The following R3HDM1 variants were observed in gnomAD, a reference collection of about 807,000 sequenced individuals.
R3HDM1 encodes R3H domain containing 1, also known as R3H domain-containing protein 1.
R3HDM1 carries 46 observed loss-of-function variants against 141.1 expected under a neutral mutation model. That is an observed-to-expected ratio of 0.33 (90% CI 0.26 to 0.42). The LOEUF (loss-of-function observed/expected upper bound fraction) is 0.42. Among genes scored for constraint, R3HDM1 ranks in the 10% least tolerant of loss-of-function variants. The pLI is 1.00. For missense variants in R3HDM1, 1,184 were observed against 1,368.3 expected (o/e 0.87, Z 2.12); for synonymous variants, 435 against 472.9 (o/e 0.92, Z 1.04).
At chr2:135,652,657 A>G (rs2065268251) in intron 18 of R3HDM1, among the ~76,000 whole-genome samples, 1 of 152,184 alleles carries the variant, frequency 6.6e-6, no homozygotes, top group Non-Finnish European at 1.5e-5. Flanking sequence ...TAGCCTTAAA[A>G]TGAGTTGGGC....
intron 21 of R3HDM1, among the ~76,000 whole-genome samples, chr2:135,702,217 G>GAAA (rs35183953): frequency 0.031 from 3,714 of 120,360 alleles, 257 homozygotes; most frequent in African/African-American, 0.13. Context: ...GTCTCAGGGG[G>GAAA]AAAAAAAAAA....
rs748874774 is a variant in R3HDM1 at position 135,631,993 on chromosome 2, T to C, written c.690T>C (p.Asn230=). 1 of 1,603,324 alleles carries C rather than the reference T, an allele frequency of 6.2e-7. No individual in the cohort carries two copies. The highest frequency in any genetic ancestry group is 8.5e-7 in the Non-Finnish European group (1 of 1,174,002). ...CTGTCATAGTAAACAAAACTAGCAA[T>C]ACAAGAATGTAAGTGTCAAGAGATG... ...GKSVIVNKTS[N]TRIPDQKFNE... The change falls in exon 9 of 27, where the codon AAT becomes AAC. Residue 230 remains asparagine, a synonymous_variant. Coordinates refer to ENST00000683871, the MANE Select transcript of R3HDM1 (RefSeq NM_001378107.1).
At chr2:135,656,920 C>T (rs2065974776) in intron 18 of R3HDM1, among the ~76,000 whole-genome samples, 1 of 151,210 alleles carries the variant, frequency 6.6e-6, no homozygotes, top group South Asian at 2.1e-4. Flanking sequence ...GTGGCGAAAC[C>T]CCATCTCTAC....
intron 7 of R3HDM1, among the ~76,000 whole-genome samples, chr2:135,629,109 G>A (rs1191149943): frequency 2.0e-5 from 3 of 152,042 alleles, no homozygotes; most frequent in Admixed American, 6.5e-5. Context: ...CTTAGGTCGG[G>A]AGTTCGAGAC....
chr2:135,552,604 G>A lies in R3HDM1; in HGVS notation c.-250+20971G>A, dbSNP rs184189955. ...GTGACAATCTGATAGTTGACCCTAGGTACTTTTTTCACAGCAAAAATACTA... is the reference window on the plus strand; with the variant it reads ...GTGACAATCTGATAGTTGACCCTAGATACTTTTTTCACAGCAAAAATACTA... On this transcript the variant is annotated intron_variant, in intron 1 of 26. Transcript: ENST00000683871. Among the ~76,000 whole-genome samples, 297 of 152,164 alleles carry A rather than the reference G, an allele frequency of 2.0e-3. 1 individual carries two copies. The highest frequency in any genetic ancestry group is 3.1e-3 in the Non-Finnish European group (210 of 68,022).
At chr2:135,532,443 T>C (rs915011383) in intron 1 of R3HDM1, among the ~76,000 whole-genome samples, 5 of 152,174 alleles carry the variant, frequency 3.3e-5, no homozygotes, top group African/African-American at 1.2e-4. Flanking sequence ...ACTTAAATTA[T>C]TGGGACTATC....
chr2:135,541,851 TAAAAAA>T (rs10558924), intron 1 of R3HDM1, among the ~76,000 whole-genome samples: 2 of 121,920 alleles, frequency 1.6e-5, no homozygotes, highest in African/African-American at 5.6e-5. Context: ...TTCAATTTGT[TAAAAAA>T]AAAAAAAAAA....
At chr2:135,723,830 G>A in intron 26 of R3HDM1, 107 bp from the exon 27 acceptor site, 5 of 395,676 alleles carry the variant, frequency 1.3e-5, no homozygotes, top group Non-Finnish European at 1.4e-5. Flanking sequence ...TTTTAATTTT[G>A]TGTATTCGAA....
chr2:135,675,211 G>T, intron 19 of R3HDM1, 121 bp from the exon 20 acceptor site: 1 of 997,066 alleles, frequency 1.0e-6, no homozygotes, highest in Non-Finnish European at 1.4e-6. Context: ...GGTTTTAGGG[G>T]CTTACCATTT....
Position 135,616,174 on chromosome 2 carries a change from A to G in R3HDM1, c.194A>G (p.Gln65Arg), listed in dbSNP as rs1220299370. 4.3e-6 allele frequency: 7 copies of G among 1,613,254 alleles called. No homozygotes were observed. The highest frequency in any genetic ancestry group is 4.5e-5 in the East Asian group (2 of 44,858). The change falls in exon 4 of 27, where the codon CAG becomes CGG. Residue 65 changes from glutamine to arginine, a missense_variant. Gln to Arg is a conservative substitution (Grantham distance 43). This residue lies in a region of R3HDM1 where 192 missense variants were observed against 215.7 expected (regional missense o/e 0.89). Coordinates refer to ENST00000683871, the MANE Select transcript of R3HDM1 (RefSeq NM_001378107.1). ...DLQRPLQSFG[Q>R]TGKRSKSSSK... ...CAGCGGCCATTGCAGTCATTTGGAC[A>G]GACAGGAAAAAGGTCTAAGGTATAG...
At chr2:135,707,479 C>T (rs1018906201) in intron 21 of R3HDM1, among the ~76,000 whole-genome samples, 13 of 152,166 alleles carry the variant, frequency 8.5e-5, no homozygotes, top group African/African-American at 2.9e-4. Flanking sequence ...AACGGGTAAT[C>T]TAGTGCTAGA....
intron 1 of R3HDM1, 182 bp downstream of exon 1, chr2:135,531,815 C>T (rs1202297462): frequency 4.1e-6 from 4 of 985,242 alleles, no homozygotes; most frequent in Non-Finnish European, 4.8e-6. Context: ...TTCTGACGTC[C>T]CGCTGCTGCC....
chr2:135,550,524 G>A lies in R3HDM1; in HGVS notation c.-250+18891G>A, dbSNP rs1287124440. On this transcript the variant is annotated intron_variant, in intron 1 of 26. Coordinates refer to ENST00000683871, the MANE Select transcript of R3HDM1 (RefSeq NM_001378107.1). ...CTTTTCTCATGTCATTTTTTTCTTGGCTTATGTGGCATTTGTGAAAATGCT... is the reference window on the plus strand; with the variant it reads ...CTTTTCTCATGTCATTTTTTTCTTGACTTATGTGGCATTTGTGAAAATGCT... Among the ~76,000 whole-genome samples, 5 of 152,008 alleles carry A rather than the reference G, an allele frequency of 3.3e-5. No individual in the cohort carries two copies. The East Asian group carries it at 9.7e-4, about 29-fold the overall frequency.
chr2:135,539,710 G>A (rs1039944705), intron 1 of R3HDM1, among the ~76,000 whole-genome samples: 4 of 152,046 alleles, frequency 2.6e-5, no homozygotes, highest in Non-Finnish European at 2.9e-5. Flanking sequence ...TTTAAAGTGT[G>A]AAGAGCATTA....
intron 18 of R3HDM1, among the ~76,000 whole-genome samples, chr2:135,653,803 A>G (rs1214758890): frequency 2.0e-5 from 3 of 152,078 alleles, no homozygotes; most frequent in South Asian, 4.1e-4. Flanking sequence ...TGGTGCGCAC[A>G]TGTAATCCTA....
chr2:135,661,218 CAT>C, intron 18 of R3HDM1, 50 bp from the exon 19 acceptor site: 9 of 1,598,664 alleles, frequency 5.6e-6, no homozygotes, highest in South Asian at 1.1e-5. Flanking sequence ...CACAGAAAAA[CAT>C]ATGTAATGCA....
chr2:135,717,753 T>C (rs567787050), intron 24 of R3HDM1, among the ~76,000 whole-genome samples: 1 of 152,342 alleles, frequency 6.6e-6, no homozygotes, highest in South Asian at 2.1e-4. Context: ...GGTAAGAGTG[T>C]ACAGTGATGA....
chr2:135,539,967 T>C (rs1046962163), intron 1 of R3HDM1, among the ~76,000 whole-genome samples: 4 of 152,256 alleles, frequency 2.6e-5, no homozygotes, highest in African/African-American at 9.6e-5. Flanking sequence ...CTCGATAGCA[T>C]GTGCTGCTAT....
chr2:135,715,504 C>T, intron 23 of R3HDM1, 46 bp from the exon 24 acceptor site: 2 of 1,579,622 alleles, frequency 1.3e-6, no homozygotes, highest in Non-Finnish European at 1.7e-6. Flanking sequence ...AAAAAATAAG[C>T]CTGCCCAAAA....
Sources: gnomAD v4.1 joint callset for allele counts (sites outside exome capture counted in the v4.1 genomes callset) on GRCh38, gnomAD v4.1.1 for gene constraint, gnomAD v4.1.1 regional missense constraint, MANE v1.5 for transcripts, NCBI Gene and HGNC (gene_info 2026-07-23, HGNC 2026-07-21) for gene names.